The following GGTA1 variants were observed in gnomAD, a reference collection of about 807,000 sequenced individuals.
GGTA1 encodes glycoprotein alpha-galactosyltransferase 1 (inactive).
A neutral mutation model predicts 2.6 loss-of-function variants in GGTA1; 5 were observed. The ratio of observed to expected loss-of-function variants is 1.92; its 90% CI spans 1.00 to 4.04. GGTA1 has a LOEUF of 4.04. GGTA1 is among the 30% of genes most tolerant of loss of function. The pLI, the probability that GGTA1 is intolerant of heterozygous loss-of-function variation, is 0.00. For missense variants in GGTA1, 50 were observed against 16.7 expected (o/e 2.99, Z -3.47); for synonymous variants, 17 against 5.0 (o/e 3.38, Z -3.19).
intron 2 of GGTA1, 57 bp from the exon 3 acceptor site, chr9:121,463,385 G>A (rs1001659561): frequency 4.5e-6 from 2 of 445,024 alleles, no homozygotes; most frequent in East Asian, 1.4e-4. Context: ...TGAGAAAGGC[G>A]ATTTTGTAAC....
intron 2 of GGTA1, among the ~76,000 whole-genome samples, chr9:121,467,232 C>T (rs1467670895): frequency 1.3e-5 from 2 of 152,130 alleles, no homozygotes; most frequent in Admixed American, 6.6e-5. Flanking sequence ...TCAAAAGGCA[C>T]AGAGGTAGCT....
chr9:121,495,828 G>A (rs1828980671), intron 1 of GGTA1, among the ~76,000 whole-genome samples: 1 of 152,208 alleles, frequency 6.6e-6, no homozygotes, highest in Non-Finnish European at 1.5e-5. Context: ...GTGATGGAAA[G>A]CCACCATAAG....
chr9:121,460,929 T>G (rs1272546628), intron 4 of GGTA1, among the ~76,000 whole-genome samples: 1 of 151,990 alleles, frequency 6.6e-6, no homozygotes, highest in African/African-American at 2.4e-5. Context: ...AAAGACTTAT[T>G]TATCTGGATG....
Position 121,469,277 on chromosome 9 carries a change from A to G in GGTA1, c.-9-1346T>C, listed in dbSNP as rs982054673. 1.4e-4 allele frequency among the ~76,000 whole-genome samples: 21 copies of G among 152,170 alleles called. 2 individuals carry two copies. On this transcript the variant is annotated intron_variant, in intron 1 of 5. Transcript: ENST00000481799. ...GAAAAGCACCATAAGAAGGAATGAGACTATTTTGGGAGCAGCATATGTAAC... is the reference window on the plus strand; with the variant it reads ...GAAAAGCACCATAAGAAGGAATGAGGCTATTTTGGGAGCAGCATATGTAAC...
At chr9:121,479,128 C>T (rs1015106935) in intron 1 of GGTA1, 9 of 456,342 alleles carry the variant, frequency 2.0e-5, no homozygotes, top group African/African-American at 1.6e-4. Context: ...AGGACTTGGT[C>T]CTCTTCCAAA....
At chr9:121,449,446 C>T (rs574485665) in intron 7 of GGTA1, among the ~76,000 whole-genome samples, 1 of 152,330 alleles carries the variant, frequency 6.6e-6, no homozygotes, top group African/African-American at 2.4e-5. Context: ...GCTCCACATC[C>T]TTGTCAGCAT....
chr9:121,479,261 A>C, intron 1 of GGTA1: 1 of 375,456 alleles, frequency 2.7e-6, no homozygotes, highest in South Asian at 2.0e-5. Context: ...AAGGCAAAAC[A>C]ACAAAGTTCT....
chr9:121,473,283 G>A lies in GGTA1; in HGVS notation c.-9-5352C>T, dbSNP rs1188510991. 2.2e-5 allele frequency among the ~76,000 whole-genome samples: 3 copies of A among 137,870 alleles called. No individual in the cohort carries two copies. The East Asian group carries it at 6.3e-4, about 29-fold the overall frequency. The allele number at this position is 137,870 out of a possible 152,430, so 90.4% of individuals were successfully genotyped here. ...TGCAGTGAGCAAAGATCATGCCACT[G>A]CACTCCGGCCTAGGTGACAGAGCAA... On this transcript the variant is annotated intron_variant, in intron 1 of 5. Transcript: ENST00000481799.
chr9:121,499,034 C>T (rs1334832203), intron 1 of GGTA1, among the ~76,000 whole-genome samples: 3 of 152,056 alleles, frequency 2.0e-5, no homozygotes, highest in African/African-American at 7.2e-5. Flanking sequence ...CGCCTCCCAT[C>T]GCCCCAGTGC....
intron 1 of GGTA1, among the ~76,000 whole-genome samples, chr9:121,488,885 G>T (rs1828815979): frequency 6.6e-6 from 1 of 152,122 alleles, no homozygotes; most frequent in Non-Finnish European, 1.5e-5. Flanking sequence ...CTGCAGCCTG[G>T]GCAACAGAGC....
intron 3 of GGTA1, among the ~76,000 whole-genome samples, chr9:121,462,016 A>G (rs1046691794): frequency 5.9e-5 from 9 of 152,200 alleles, no homozygotes; most frequent in African/African-American, 1.9e-4. Context: ...ACACTCATTC[A>G]TTGTGAAAGT....
In GGTA1 at chr9:121,455,223, A is replaced by T. The variant is rs1026407539; in HGVS notation, c.*614T>A. The T allele has an allele frequency of 1.3e-5, 2 of 152,154 alleles. No homozygotes were observed. Among genetic ancestry groups the T allele is most frequent in the Admixed American group, 6.5e-5 (1 of 15,276 alleles). The allele number at this position is 152,154 out of a possible 1,614,324, so 9.4% of individuals were successfully genotyped here. ...ACCAAAAACCAAAAAACACCCACAC[A>T]GCTGTCTTATACTTCTGTAACCATT... On this transcript the variant is annotated 3_prime_UTR_variant, in exon 6 of 6. Coordinates refer to ENST00000481799, the MANE Select transcript of GGTA1 (RefSeq NM_001382585.1).
chr9:121,499,402 C>A (rs1829058992), intron 1 of GGTA1, among the ~76,000 whole-genome samples: 1 of 152,162 alleles, frequency 6.6e-6, no homozygotes, highest in African/African-American at 2.4e-5. Flanking sequence ...CTTCAGGCTC[C>A]AGTCTTGGAA....
At chr9:121,464,744 TA>T in intron 2 of GGTA1, among the ~76,000 whole-genome samples, 1 of 152,268 alleles carries the variant, frequency 6.6e-6, no homozygotes, top group Non-Finnish European at 1.5e-5. Context: ...TATTTCATCA[TA>T]ATTTTGAAGG....
At chr9:121,479,618 A>AT (rs1828593911) in intron 1 of GGTA1, among the ~76,000 whole-genome samples, 1 of 152,152 alleles carries the variant, frequency 6.6e-6, no homozygotes, top group Non-Finnish European at 1.5e-5. Context: ...ACACTACTGG[A>AT]TAAAAATGGA....
At chr9:121,464,607 C>G (rs2064988541) in intron 2 of GGTA1, among the ~76,000 whole-genome samples, 1 of 136,190 alleles carries the variant, frequency 7.3e-6, no homozygotes, top group South Asian at 2.6e-4. Context: ...GACTCCATCT[C>G]AAAACAAAAA....
At position 121,481,984 on chromosome 9, in the gene GGTA1, G is replaced by A. The variant is rs145732040; in HGVS notation, c.-9-14053C>T. 1.6e-3 allele frequency among the ~76,000 whole-genome samples: 240 copies of A among 150,830 alleles called. 6 individuals are homozygous for A. In the East Asian group the frequency reaches 0.037, roughly 23 times the overall value. On this transcript the variant is annotated intron_variant, in intron 1 of 5. Coordinates refer to ENST00000481799, the MANE Select transcript of GGTA1 (RefSeq NM_001382585.1). ...GCACTCCAGCCTGGGCAACAAAAGC[G>A]GAACTCTGTCTCAAAAAAAAAAAAA...
At chr9:121,470,801 T>C (rs1398690953) in intron 1 of GGTA1, among the ~76,000 whole-genome samples, 1 of 152,220 alleles carries the variant, frequency 6.6e-6, no homozygotes, top group Admixed American at 6.5e-5. Context: ...CAAGTTAGAA[T>C]GAGAGGGGCT....
chr9:121,466,118 C>T (rs778546061), intron 2 of GGTA1, among the ~76,000 whole-genome samples: 48 of 152,106 alleles, frequency 3.2e-4, no homozygotes, highest in Non-Finnish European at 5.0e-4. Flanking sequence ...CAGGGTCTTG[C>T]GATTTTGCCA....
Sources: allele counts gnomAD v4.1 joint callset (sites outside exome capture counted in the v4.1 genomes callset), GRCh38; gene constraint gnomAD v4.1.1; transcripts MANE v1.5; gene names NCBI Gene and HGNC (gene_info 2026-07-23, HGNC 2026-07-21).